MTHFD1L: variants seen among roughly 807,000 people sequenced by gnomAD.
The protein encoded by MTHFD1L is methylenetetrahydrofolate dehydrogenase (NADP+ dependent) 1 like, also known as monofunctional C1-tetrahydrofolate synthase, mitochondrial.
MTHFD1L carries 81 observed loss-of-function variants against 119.5 expected under a neutral mutation model. The ratio of observed to expected loss-of-function variants is 0.68; its 90% confidence interval spans 0.57 to 0.82. The LOEUF is 0.82. MTHFD1L is among the 40% of genes least tolerant of loss of function. The pLI is 0.00. For synonymous variants in MTHFD1L, 430 were observed against 475.2 expected (o/e 0.90, Z 1.24); for missense variants, 1,125 against 1,253.4 (o/e 0.90, Z 1.55).
intron 26 of MTHFD1L, among the ~76,000 whole-genome samples, chr6:151,081,114 A>G (rs759146801): frequency 1.3e-5 from 2 of 152,214 alleles, no homozygotes; most frequent in Non-Finnish European, 2.9e-5. Context: ...AGTCCTGAGC[A>G]TTCAGCTGGT....
chr6:151,062,366 G>A (rs1404740343), intron 26 of MTHFD1L, among the ~76,000 whole-genome samples: 1 of 152,056 alleles, frequency 6.6e-6, no homozygotes, highest in Non-Finnish European at 1.5e-5. Context: ...TGAATCCGGG[G>A]GGCAGAGCTT....
At chr6:150,888,604 A>G (rs1328848966) in intron 7 of MTHFD1L, among the ~76,000 whole-genome samples, 1 of 152,210 alleles carries the variant, frequency 6.6e-6, no homozygotes, top group African/African-American at 2.4e-5. Context: ...CATGGAGAAG[A>G]TGCAATATCT....
chr6:150,881,413 G>C (rs1054955515), intron 4 of MTHFD1L, among the ~76,000 whole-genome samples: 2 of 152,082 alleles, frequency 1.3e-5, no homozygotes, highest in African/African-American at 2.4e-5. Flanking sequence ...CATTTATTCC[G>C]TATTTTTCTT....
chr6:150,997,745 C>T (rs576439536), intron 20 of MTHFD1L, among the ~76,000 whole-genome samples: 7 of 152,230 alleles, frequency 4.6e-5, no homozygotes, highest in South Asian at 4.1e-4. Flanking sequence ...GAGTTATGAT[C>T]GTACCACTGC....
intron 11 of MTHFD1L, among the ~76,000 whole-genome samples, chr6:150,932,783 A>AG (rs1791290461): frequency 2.8e-5 from 3 of 106,838 alleles, no homozygotes; most frequent in African/African-American, 1.5e-4. Context: ...CAAAAAAAAA[A>AG]GAGAAAGGAA....
chr6:151,007,595 C>T (rs769466010), intron 20 of MTHFD1L, among the ~76,000 whole-genome samples: 5 of 152,144 alleles, frequency 3.3e-5, no homozygotes, highest in Non-Finnish European at 4.4e-5. Flanking sequence ...GGGTCCCGTC[C>T]GTGTGCTAAC....
intron 26 of MTHFD1L, among the ~76,000 whole-genome samples, chr6:151,063,536 TC>T (rs1790879807): frequency 6.6e-6 from 1 of 152,200 alleles, no homozygotes; most frequent in Non-Finnish European, 1.5e-5. Context: ...TAAACGCCCA[TC>T]TTTCTTTTCA....
intron 15 of MTHFD1L, among the ~76,000 whole-genome samples, chr6:150,947,459 T>C (rs1015968277): frequency 6.6e-6 from 1 of 151,660 alleles, no homozygotes; most frequent in African/African-American, 2.4e-5. Context: ...TGGCTTGGTG[T>C]GGTGGCTCAC....
chr6:150,949,641 C>G (rs1197576848), intron 16 of MTHFD1L, among the ~76,000 whole-genome samples: 2 of 152,152 alleles, frequency 1.3e-5, no homozygotes, highest in Non-Finnish European at 2.9e-5. Context: ...CACTGCTTCA[C>G]ATGCATCCAG....
intron 26 of MTHFD1L, among the ~76,000 whole-genome samples, chr6:151,070,739 G>A (rs184444567): frequency 7.2e-5 from 11 of 152,334 alleles, no homozygotes; most frequent in African/African-American, 2.6e-4. Flanking sequence ...TGCTGTGTGG[G>A]TCTTAGTTTG....
intron 13 of MTHFD1L, among the ~76,000 whole-genome samples, chr6:150,941,740 T>A (rs1173997122): frequency 6.6e-6 from 1 of 151,790 alleles, no homozygotes; most frequent in East Asian, 1.9e-4. Context: ...TGGTATGAGG[T>A]TTGAACTGTG....
intron 20 of MTHFD1L, among the ~76,000 whole-genome samples, chr6:150,991,435 A>G (rs138747083): frequency 2.6e-5 from 4 of 152,388 alleles, no homozygotes; most frequent in African/African-American, 9.6e-5. Context: ...ATGAAGAGAT[A>G]TAGAAGTATA....
chr6:150,933,801 G>A (rs1323155455), intron 11 of MTHFD1L, among the ~76,000 whole-genome samples: 1 of 152,052 alleles, frequency 6.6e-6, no homozygotes, highest in Non-Finnish European at 1.5e-5. Context: ...TGTGTTTTTA[G>A]AGACAGGGTC....
intron 7 of MTHFD1L, among the ~76,000 whole-genome samples, chr6:150,897,921 C>T (rs945612578): frequency 1.3e-5 from 2 of 152,148 alleles, no homozygotes; most frequent in South Asian, 2.1e-4. Flanking sequence ...CTCAGCTCAC[C>T]GCAGTCTCCG....
chr6:150,998,115 C>T (rs892657664), intron 20 of MTHFD1L, among the ~76,000 whole-genome samples: 4 of 151,598 alleles, frequency 2.6e-5, no homozygotes, highest in Non-Finnish European at 5.9e-5. Flanking sequence ...CTTTCACTTA[C>T]TATATATGAT....
At chr6:151,001,244 A>G (rs557773999) in intron 20 of MTHFD1L, among the ~76,000 whole-genome samples, 1 of 152,344 alleles carries the variant, frequency 6.6e-6, no homozygotes, top group South Asian at 2.1e-4. Flanking sequence ...GAAATCCGAC[A>G]GTTCTAATTT....
rs555279464 is a variant in MTHFD1L at position 151,016,606 on chromosome 6, C to G, written c.2586+913C>G. The stretch of plus-strand genomic sequence containing the variant: ...AAAGTGCTGGGATTATAGGCATGAG[C>G]CACCACACCTGGCCTCTGCTTGTTC... On this transcript the variant is annotated intron_variant, in intron 24 of 27. Transcript: ENST00000367321. 2.7e-3 allele frequency among the ~76,000 whole-genome samples: 405 copies of G among 151,948 alleles called. 3 individuals carry two copies. The highest frequency in any genetic ancestry group is 9.1e-3 in the African/African-American group (378 of 41,442).
In MTHFD1L at chr6:150,960,329, G is replaced by A; in HGVS notation, c.1858G>A (p.Asp620Asn). ...SEIMAVLALT[D>N]SLADMKARLG... ...GATCATGGCGGTGCTGGCCCTGACG[G>A]ACAGCCTCGCAGACATGAAGGCACG... Residue 620 changes from aspartate (D) to asparagine (N), a missense_variant, in exon 18 of 28, where the codon GAC becomes AAC. Around this residue, in one of 3 missense-constraint regions of MTHFD1L, gnomAD observed 1,058 missense variants for 1,151.2 expected, o/e 0.92. Coordinates refer to ENST00000367321, the MANE Select transcript of MTHFD1L (RefSeq NM_015440.5). 6.2e-7 allele frequency: 1 copy of A among 1,614,118 alleles called. No individual in the cohort carries two copies. The highest frequency in any genetic ancestry group is 1.1e-5 in the South Asian group (1 of 91,058).
At chr6:150,893,186 A>T (rs1056758810) in intron 7 of MTHFD1L, among the ~76,000 whole-genome samples, 3 of 152,054 alleles carry the variant, frequency 2.0e-5, no homozygotes, top group African/African-American at 2.4e-5. Context: ...TGCCTCAGCC[A>T]CCTGAGTAGC....
Sources: gnomAD v4.1 joint callset for allele counts (sites outside exome capture counted in the v4.1 genomes callset) on GRCh38, gnomAD v4.1.1 for gene constraint, gnomAD v4.1.1 regional missense constraint, MANE v1.5 for transcripts, NCBI Gene and HGNC (gene_info 2026-07-23, HGNC 2026-07-21) for gene names.